The following NMBR variants were observed in gnomAD, a reference collection of about 807,000 sequenced individuals.
NMBR encodes the protein neuromedin-B receptor.
In NMBR, 16 loss-of-function variants were observed where a neutral mutation model predicts 20.5. That is an observed-to-expected ratio of 0.78 (90% confidence interval 0.53 to 1.19). The LOEUF is 1.19. Ranked by LOEUF, NMBR falls within the 50% of genes most tolerant of loss-of-function variation. The pLI is 0.00. For missense variants in NMBR, 582 were observed against 499.1 expected, an observed-to-expected ratio of 1.17 and a Z score of -1.58; for synonymous variants, 212 against 196.6, an observed-to-expected ratio of 1.08 and a Z score of -0.65.
intron 1 of NMBR, among the ~76,000 whole-genome samples, chr6:142,092,664 C>T (rs559617686): frequency 1.3e-5 from 2 of 152,274 alleles, no homozygotes; most frequent in South Asian, 2.1e-4. Context: ...TGAGCTCTAC[C>T]ATCGCTCTAT....
At chr6:142,120,135 T>C (rs1480388417) in intron 1 of NMBR, among the ~76,000 whole-genome samples, 1 of 151,976 alleles carries the variant, frequency 6.6e-6, no homozygotes, top group Non-Finnish European at 1.5e-5. Context: ...TTTTGTGTTC[T>C]GGTAGAAATG....
rs1777742453 is a variant in NMBR, at chr6:142,110,437, T to C, written c.-663-21116A>G. Among the ~76,000 whole-genome samples, 4 of 152,326 alleles carry C rather than the reference T, an allele frequency of 2.6e-5. No homozygotes were observed. The South Asian group carries it at 8.3e-4, about 32-fold the overall frequency. ...TAATATGGATGTATCTTGAGAGTAT[T>C]ATGCTAAGTAAAAGAAGCTAATTTT... On this transcript the variant is annotated intron_variant, in intron 1 of 3. Transcript: ENST00000258042.
chr6:142,131,510 T>C (rs1405959837), intron 1 of NMBR, among the ~76,000 whole-genome samples: 1 of 152,172 alleles, frequency 6.6e-6, no homozygotes, highest in Non-Finnish European at 1.5e-5. Context: ...GCTGTTAGCA[T>C]GCAAGAAACA....
chr6:142,099,255 G>A (rs180763659), intron 1 of NMBR, among the ~76,000 whole-genome samples: 7 of 152,202 alleles, frequency 4.6e-5, no homozygotes, highest in South Asian at 2.1e-4. Context: ...GTATTCGTTC[G>A]TTTTCACACT....
intron 1 of NMBR, among the ~76,000 whole-genome samples, chr6:142,099,930 G>C (rs1045660703): frequency 1.3e-5 from 2 of 152,098 alleles, no homozygotes; most frequent in African/African-American, 4.8e-5. Context: ...TCTCACCAAA[G>C]AAGATACACA....
chr6:142,124,415 T>C (rs2114600697), intron 1 of NMBR, among the ~76,000 whole-genome samples: 1 of 152,016 alleles, frequency 6.6e-6, no homozygotes, highest in African/African-American at 2.4e-5. Context: ...CAAGATATTA[T>C]CTCATGTACT....
At chr6:142,098,436 G>A (rs943062795) in intron 1 of NMBR, among the ~76,000 whole-genome samples, 6 of 152,046 alleles carry the variant, frequency 3.9e-5, no homozygotes, top group African/African-American at 1.4e-4. Context: ...AAATCTGAAA[G>A]AATCAACAAA....
chr6:142,131,692 T>C (rs1310556900), intron 1 of NMBR, among the ~76,000 whole-genome samples: 1 of 152,190 alleles, frequency 6.6e-6, no homozygotes, highest in African/African-American at 2.4e-5. Flanking sequence ...CCCAATTGGA[T>C]CAGAACATGT....
At chr6:142,106,284 T>A (rs1390837372) in intron 1 of NMBR, among the ~76,000 whole-genome samples, 1 of 152,150 alleles carries the variant, frequency 6.6e-6, no homozygotes. Context: ...GGGGCTCTAT[T>A]GGGCTTGATT....
chr6:142,122,999 T>C (rs890913750), intron 1 of NMBR, among the ~76,000 whole-genome samples: 2 of 151,936 alleles, frequency 1.3e-5, no homozygotes, highest in Admixed American at 1.3e-4. Flanking sequence ...TTAAGTCTTA[T>C]TATATAAGGA....
chr6:142,132,134 A>G (rs1438209383), intron 1 of NMBR, among the ~76,000 whole-genome samples: 1 of 152,232 alleles, frequency 6.6e-6, no homozygotes, highest in African/African-American at 2.4e-5. Flanking sequence ...GGTTACAAAT[A>G]CATGTATCAT....
At chr6:142,132,989 G>C (rs1430579253) in intron 1 of NMBR, 7 of 434,448 alleles carry the variant, frequency 1.6e-5, no homozygotes, top group Non-Finnish European at 2.9e-5. Flanking sequence ...GGTTGAATGG[G>C]GCCCCAGAGA....
intron 1 of NMBR, among the ~76,000 whole-genome samples, chr6:142,139,135 G>A (rs910192660): frequency 6.6e-6 from 1 of 152,134 alleles, no homozygotes; most frequent in African/African-American, 2.4e-5. Context: ...CCGTGTCCAA[G>A]GAAAGAAAGG....
chr6:142,097,792 T>G (rs146799425), intron 1 of NMBR, among the ~76,000 whole-genome samples: 73 of 151,906 alleles, frequency 4.8e-4, no homozygotes, highest in African/African-American at 1.7e-3. Flanking sequence ...ACATGAAAAA[T>G]GTTAACAAGG....
At chr6:142,144,820 C>T (rs1244302601) in intron 1 of NMBR, among the ~76,000 whole-genome samples, 2 of 151,872 alleles carry the variant, frequency 1.3e-5, no homozygotes, top group African/African-American at 4.8e-5. Flanking sequence ...GAGGCCGAGG[C>T]AGGAGTATCA....
intron 1 of NMBR, among the ~76,000 whole-genome samples, chr6:142,142,349 T>A (rs1778374094): frequency 6.6e-6 from 1 of 152,188 alleles, no homozygotes; most frequent in African/African-American, 2.4e-5. Context: ...ATAATGTTGA[T>A]ATTAAAAATT....
At chr6:142,102,806 G>A (rs567549534) in intron 1 of NMBR, among the ~76,000 whole-genome samples, 27 of 152,220 alleles carry the variant, frequency 1.8e-4, no homozygotes, top group Non-Finnish European at 3.7e-4. Flanking sequence ...GTATAAGGCT[G>A]GCTGCAAAAT....
Position 142,078,809 on chromosome 6 carries a change from A to T in NMBR, c.517T>A (p.Leu173Met), listed in dbSNP as rs771424137. ...AACACCGCTTCGGGAACTGCCAGCA[A>T]CACGGAGACCACCCAGATACCCATG... ...KAMGIWVVSV[L>M]LAVPEAVFSE... Residue 173 changes from leucine to methionine, a missense_variant, in exon 3 of 4, where the codon TTG becomes ATG. Coordinates refer to ENST00000258042, the MANE Select transcript of NMBR (RefSeq NM_002511.4). The T allele has an allele frequency of 5.0e-6, 8 of 1,613,900 alleles. No homozygotes were observed. The East Asian group carries it at 1.6e-4, about 31-fold the overall frequency.
intron 1 of NMBR, among the ~76,000 whole-genome samples, chr6:142,092,252 C>A (rs1447501742): frequency 1.3e-5 from 2 of 151,782 alleles, no homozygotes; most frequent in South Asian, 2.1e-4. Flanking sequence ...GAAGAGAATA[C>A]AAAGTTCAAA....
Sources: gnomAD v4.1 joint callset for allele counts (sites outside exome capture counted in the v4.1 genomes callset) on GRCh38, gnomAD v4.1.1 for gene constraint, MANE v1.5 for transcripts, NCBI Gene and HGNC (gene_info 2026-07-23, HGNC 2026-07-21) for gene names.